Variants in VAV3 observed in about 807,000 individuals in gnomAD.
VAV3 encodes vav guanine nucleotide exchange factor 3, also known as guanine nucleotide exchange factor VAV3.
Under a neutral mutation model 131.2 loss-of-function variants are expected in VAV3, and 94 were observed. That is an observed-to-expected ratio of 0.72 (90% CI 0.61 to 0.85). The LOEUF (loss-of-function observed/expected upper bound fraction) is 0.85. VAV3 is among the 40% of genes least tolerant of loss of function. The pLI is 0.00. For missense variants in VAV3, 939 were observed against 1,002.7 expected (o/e 0.94, Z 0.86); for synonymous variants, 349 against 342.0 (o/e 1.02, Z -0.22).
At chr1:107,733,749 C>T in intron 15 of VAV3, among the ~76,000 whole-genome samples, 1 of 152,060 alleles carries the variant, frequency 6.6e-6, no homozygotes, top group South Asian at 2.1e-4. Context: ...TGTGAAAAGA[C>T]CAAATCTAAA....
At chr1:107,582,907 T>C (rs1012274689) in intron 25 of VAV3, among the ~76,000 whole-genome samples, 6 of 152,122 alleles carry the variant, frequency 3.9e-5, no homozygotes, top group African/African-American at 1.2e-4. Context: ...GCATGATTTA[T>C]AGTCCTTTGG....
intron 1 of VAV3, chr1:107,964,406 C>T (rs1675310499): frequency 2.4e-6 from 1 of 409,724 alleles, no homozygotes; most frequent in Non-Finnish European, 4.5e-6. Context: ...CAACTTATTT[C>T]TTTCCCGCCT....
At chr1:107,764,352 A>G (rs1367674386) in intron 9 of VAV3, among the ~76,000 whole-genome samples, 1 of 151,992 alleles carries the variant, frequency 6.6e-6, no homozygotes, top group Non-Finnish European at 1.5e-5. Flanking sequence ...TCTACAATCT[A>G]CCCACACTGA....
At chr1:107,693,916 G>A (rs1226828989) in intron 17 of VAV3, among the ~76,000 whole-genome samples, 1 of 152,100 alleles carries the variant, frequency 6.6e-6, no homozygotes, top group African/African-American at 2.4e-5. Context: ...TGGACTTGAT[G>A]AAAAATGGCA....
chr1:107,755,767 T>C (rs1038789120), intron 11 of VAV3, among the ~76,000 whole-genome samples: 2 of 152,090 alleles, frequency 1.3e-5, no homozygotes, highest in African/African-American at 4.8e-5. Context: ...TGTTGTTGCC[T>C]TAAAAGACAA....
intron 1 of VAV3, among the ~76,000 whole-genome samples, chr1:107,899,313 G>A (rs1242021460): frequency 2.0e-5 from 3 of 152,148 alleles, no homozygotes; most frequent in Admixed American, 6.5e-5. Context: ...AGCCAACAGC[G>A]GTAAGCGGCC....
intron 17 of VAV3, among the ~76,000 whole-genome samples, chr1:107,690,733 A>T (rs146179354): frequency 9.4e-4 from 143 of 152,254 alleles, no homozygotes; most frequent in African/African-American, 2.9e-3. Context: ...AAAATTGAAA[A>T]GGGGCTTTGT....
At chr1:107,928,720 A>G (rs2101192599) in intron 1 of VAV3, among the ~76,000 whole-genome samples, 1 of 152,330 alleles carries the variant, frequency 6.6e-6, no homozygotes, top group South Asian at 2.1e-4. Flanking sequence ...CAAAAGAAAA[A>G]AAAGAATAAA....
At chr1:107,693,559 C>T (rs1375224591) in intron 17 of VAV3, among the ~76,000 whole-genome samples, 1 of 151,826 alleles carries the variant, frequency 6.6e-6, no homozygotes, top group Non-Finnish European at 1.5e-5. Flanking sequence ...GTTTTCCAAC[C>T]CAAGGAAGAC....
At chr1:107,852,918 C>A (rs77436595) in intron 2 of VAV3, among the ~76,000 whole-genome samples, 6,150 of 152,112 alleles carry the variant, frequency 0.04, 284 homozygotes, top group African/African-American at 0.11. Flanking sequence ...ACATTTCACA[C>A]CACCTTTATC....
intron 2 of VAV3, among the ~76,000 whole-genome samples, chr1:107,785,927 G>C (rs568658188): frequency 1.3e-5 from 2 of 152,060 alleles, no homozygotes; most frequent in African/African-American, 4.8e-5. Context: ...AATTTTCTTC[G>C]AAACTCTAAT....
chr1:107,777,346 C>T (rs575245036), intron 3 of VAV3, 50 bp from the exon 4 acceptor site: 62 of 1,543,620 alleles, frequency 4.0e-5, no homozygotes, highest in African/African-American at 1.5e-4. Context: ...CATGAGTGAA[C>T]GAGCAACAAT....
intron 15 of VAV3, among the ~76,000 whole-genome samples, chr1:107,717,118 T>A (rs879322329): frequency 1.3e-5 from 2 of 152,144 alleles, no homozygotes; most frequent in Admixed American, 6.5e-5. Flanking sequence ...TCTATTTGAT[T>A]CTCCTCTCTT....
intron 5 of VAV3, among the ~76,000 whole-genome samples, chr1:107,771,823 G>A (rs1261480802): frequency 6.6e-6 from 1 of 152,190 alleles, no homozygotes. Context: ...ATTACAGGAG[G>A]CACAGATGAT....
chr1:107,814,014 GTA>G (rs1386830214), intron 2 of VAV3, among the ~76,000 whole-genome samples: 9 of 138,486 alleles, frequency 6.5e-5, no homozygotes, highest in African/African-American at 1.1e-4. Context: ...GTGTGTGTGT[GTA>G]TACACACCAT....
chr1:107,725,151 G>A (rs1008468969), intron 15 of VAV3, among the ~76,000 whole-genome samples: 1 of 152,178 alleles, frequency 6.6e-6, no homozygotes, highest in Non-Finnish European at 1.5e-5. Context: ...TGTCGGTTTA[G>A]AGAGGTCACT....
chr1:107,793,662 T>C (rs1666406444), intron 2 of VAV3, among the ~76,000 whole-genome samples: 1 of 152,148 alleles, frequency 6.6e-6, no homozygotes. Context: ...AGGTTGGAGG[T>C]AGACAGTTTT....
intron 19 of VAV3, among the ~76,000 whole-genome samples, chr1:107,650,563 A>AT (rs1000284966): frequency 3.4e-5 from 5 of 148,374 alleles, no homozygotes; most frequent in African/African-American, 7.4e-5. Flanking sequence ...TTATTTATTT[A>AT]TTATTATTAT....
In VAV3 at chr1:107,964,649, C is replaced by G. The variant is rs758029299; in HGVS notation, c.204+17G>C. Reference sequence around the variant, plus strand: ...AGCTGCCGGCTGGAGGCGGGGCGCCCGTGCCGGCCTCCTCACCTGGGACAT... The same window carrying G: ...AGCTGCCGGCTGGAGGCGGGGCGCCGGTGCCGGCCTCCTCACCTGGGACAT... On this transcript the variant is annotated intron_variant, in intron 1 of 26. Transcript: ENST00000370056. 9 of 1,606,826 alleles carry G rather than the reference C, an allele frequency of 5.6e-6. No individual in the cohort carries two copies. The highest frequency in any genetic ancestry group is 2.7e-5 in the African/African-American group (2 of 74,770).
Sources: gnomAD v4.1 joint callset for allele counts (sites outside exome capture counted in the v4.1 genomes callset) on GRCh38, gnomAD v4.1.1 for gene constraint, MANE v1.5 for transcripts, NCBI Gene and HGNC (gene_info 2026-07-23, HGNC 2026-07-21) for gene names.